The following ARHGEF3 variants were observed in gnomAD, a reference collection of about 807,000 sequenced individuals.
The protein encoded by ARHGEF3 is Rho guanine nucleotide exchange factor 3.
In ARHGEF3, 28 loss-of-function variants were observed where a neutral mutation model predicts 63.2. The observed-to-expected ratio is 0.44, with a 90% CI of 0.33 to 0.61. ARHGEF3 has a LOEUF of 0.61. ARHGEF3 is among the 20% of genes least tolerant of loss of function. ARHGEF3 has a pLI of 0.03. For missense variants in ARHGEF3, 533 were observed against 659.3 expected, an observed-to-expected ratio of 0.81 and a Z score of 2.10; for synonymous variants, 266 against 254.2, an observed-to-expected ratio of 1.05 and a Z score of -0.44.
At chr3:56,913,940 C>T (rs1408379418) in intron 3 of ARHGEF3, among the ~76,000 whole-genome samples, 1 of 152,182 alleles carries the variant, frequency 6.6e-6, no homozygotes, top group Admixed American at 6.5e-5. Context: ...TGGAATACTA[C>T]TCAGCCATAA....
At chr3:56,984,797 T>G (rs919002046) in intron 2 of ARHGEF3, among the ~76,000 whole-genome samples, 16 of 152,006 alleles carry the variant, frequency 1.1e-4, no homozygotes, top group African/African-American at 3.9e-4. Flanking sequence ...GTTTGGCTCT[T>G]AGAGTGGACT....
chr3:56,839,096 G>A (rs944257829), intron 4 of ARHGEF3, among the ~76,000 whole-genome samples: 1 of 152,014 alleles, frequency 6.6e-6, no homozygotes, highest in Non-Finnish European at 1.5e-5. Context: ...CTGTGATTGT[G>A]CCACTGCATT....
intron 3 of ARHGEF3, among the ~76,000 whole-genome samples, chr3:56,908,463 G>C (rs966191392): frequency 6.6e-6 from 1 of 152,230 alleles, no homozygotes; most frequent in African/African-American, 2.4e-5. Context: ...TCCAGAGAAA[G>C]AGGTGAGGTG....
At chr3:56,824,906 G>A (rs1044497464) in intron 4 of ARHGEF3, among the ~76,000 whole-genome samples, 1 of 152,196 alleles carries the variant, frequency 6.6e-6, no homozygotes, top group African/African-American at 2.4e-5. Flanking sequence ...ACTGTTTAAA[G>A]ATTTTGTTAA....
At chr3:57,057,926 T>C (rs1705015793) in intron 1 of ARHGEF3, among the ~76,000 whole-genome samples, 7 of 152,196 alleles carry the variant, frequency 4.6e-5, no homozygotes, top group Admixed American at 2.0e-4. Flanking sequence ...GAGGGGCCAC[T>C]TAAATGAGTC....
chr3:56,801,337 T>A (rs1029935864), intron 1 of ARHGEF3, among the ~76,000 whole-genome samples: 1 of 152,134 alleles, frequency 6.6e-6, no homozygotes, highest in Non-Finnish European at 1.5e-5. Context: ...TCCCTGACAC[T>A]GGGGCTTGCT....
chr3:57,015,459 A>G lies in ARHGEF3; in HGVS notation c.62+19629T>C, dbSNP rs543752982. Among the ~76,000 whole-genome samples, 201 of 152,002 alleles carry G rather than the reference A, an allele frequency of 1.3e-3. 1 individual carries two copies. Among genetic ancestry groups the G allele is most frequent in the African/African-American group, 4.6e-3 (190 of 41,440 alleles). ...AAAGGGATATTTAAAAATTCTTTTT[A>G]TTTTTTCTCTGTTGCCCAGGCTGGA... On this transcript the variant is annotated intron_variant, in intron 2 of 12. Transcript: ENST00000338458.
rs1169005192 is a variant in ARHGEF3, at chr3:56,854,424, G to A, written c.192+27868C>T. On this transcript the variant is annotated intron_variant, in intron 4 of 12. Coordinates refer to the ARHGEF3 transcript ENST00000338458. ...GAGTATTTATCCTCAGGCTTTCTCT[G>A]AAGGAAACAGGGAGAAGCAGCAAAG... Among the ~76,000 whole-genome samples, 4 of 152,258 alleles carry A rather than the reference G, an allele frequency of 2.6e-5. No homozygotes were observed. The East Asian group carries it at 7.7e-4, about 29-fold the overall frequency.
chr3:56,897,678 A>G (rs1435520277), intron 3 of ARHGEF3, among the ~76,000 whole-genome samples: 2 of 150,560 alleles, frequency 1.3e-5, no homozygotes, highest in Non-Finnish European at 3.0e-5. Flanking sequence ...CTCCTGCCTC[A>G]GCCTCAGCCT....
chr3:56,794,516 A>G (rs1463849297), intron 1 of ARHGEF3, among the ~76,000 whole-genome samples: 1 of 149,650 alleles, frequency 6.7e-6, no homozygotes, highest in Non-Finnish European at 1.5e-5. Flanking sequence ...AAAAAAAGAA[A>G]GTATTACTGA....
intron 2 of ARHGEF3, among the ~76,000 whole-genome samples, chr3:56,959,887 A>C (rs1700205930): frequency 6.6e-6 from 1 of 152,220 alleles, no homozygotes; most frequent in Non-Finnish European, 1.5e-5. Flanking sequence ...CTGAGGCAGG[A>C]GAATCGCTTG....
chr3:56,813,565 T>G (rs1156961536), intron 4 of ARHGEF3, among the ~76,000 whole-genome samples: 1 of 152,158 alleles, frequency 6.6e-6, no homozygotes, highest in African/African-American at 2.4e-5. Context: ...TTGGGGTATC[T>G]TGTTACACTT....
rs775121834 is a variant in ARHGEF3, at chr3:56,732,334, G to C, written c.1132C>G (p.Pro378Ala). 6.2e-7 allele frequency: 1 copy of C among 1,614,212 alleles called. No individual in the cohort carries two copies. ...AGCAGGAGGTCTTTCACGGGGATTG[G>C]CTGACGGTACAGCTGGTAGCAAAGC... is the stretch of plus-strand genomic sequence containing the variant. ...EQLCYQLYRQ[P>A]IPVKDLLLED... The change falls in exon 9 of 10, where the codon CCA becomes GCA. Residue 378 changes from proline (P) to alanine (A), a missense_variant. Pro to Ala is a conservative substitution (Grantham distance 27, BLOSUM62 -1). This residue lies in a region of ARHGEF3 where 151 missense variants were observed against 190.7 expected (regional missense o/e 0.79). Transcript: ENST00000296315.
At chr3:56,907,694 GA>G (rs1350194530) in intron 3 of ARHGEF3, among the ~76,000 whole-genome samples, 1 of 152,194 alleles carries the variant, frequency 6.6e-6, no homozygotes, top group African/African-American at 2.4e-5. Context: ...GCCATAAAAA[GA>G]ATGAGATCAT....
intron 3 of ARHGEF3, among the ~76,000 whole-genome samples, chr3:56,918,611 T>A (rs1296653975): frequency 6.6e-6 from 1 of 152,116 alleles, no homozygotes; most frequent in East Asian, 1.9e-4. Flanking sequence ...GGCACGGCCG[T>A]CTCCTCTGAT....
chr3:56,754,803 C>T (rs984463379), intron 3 of ARHGEF3, among the ~76,000 whole-genome samples, 178 bp downstream of exon 3: 10 of 152,074 alleles, frequency 6.6e-5, no homozygotes, highest in African/African-American at 2.2e-4. Flanking sequence ...GGGGCCACAC[C>T]CTCCCAGCTG....
intron 1 of ARHGEF3, among the ~76,000 whole-genome samples, chr3:57,042,693 TATATATA>T (rs200487384): frequency 0.023 from 574 of 24,532 alleles, 48 homozygotes; most frequent in Admixed American, 0.03. Context: ...TATATATATA[TATATATA>T]TTTTTTTTTT....
intron 3 of ARHGEF3, among the ~76,000 whole-genome samples, chr3:56,942,146 T>C (rs1699218528): frequency 6.6e-6 from 1 of 152,210 alleles, no homozygotes; most frequent in Non-Finnish European, 1.5e-5. Context: ...ACAAATGAAA[T>C]ACATTATTAT....
chr3:57,035,021 T>C, intron 2 of ARHGEF3: 1 of 1,323,300 alleles, frequency 7.6e-7, no homozygotes, highest in Non-Finnish European at 1.0e-6. Flanking sequence ...AGCCCTCCAT[T>C]TCATTTAATT....
Sources: allele counts gnomAD v4.1 joint callset (sites outside exome capture counted in the v4.1 genomes callset), GRCh38; gene constraint gnomAD v4.1.1; regional missense constraint gnomAD v4.1.1; transcripts MANE v1.5; gene names NCBI Gene and HGNC (gene_info 2026-07-23, HGNC 2026-07-21).